Variants in DOCK2 observed in about 807,000 individuals in gnomAD.
DOCK2 encodes dedicator of cytokinesis protein 2.
Under a neutral mutation model 248.9 loss-of-function variants are expected in DOCK2, and 87 were observed. That is an observed-to-expected ratio of 0.35 (90% CI 0.29 to 0.42). The LOEUF (loss-of-function observed/expected upper bound fraction) is 0.42, where lower values mean the gene tolerates loss of function less well. Among genes scored for constraint, DOCK2 ranks in the 10% least tolerant of loss-of-function variants. DOCK2 has a pLI of 1.00. For synonymous variants in DOCK2, 805 were observed against 821.6 expected, an observed-to-expected ratio of 0.98 and a Z score of 0.35; for missense variants, 1,747 against 2,300.2, an observed-to-expected ratio of 0.76 and a Z score of 4.92.
intron 19 of DOCK2, among the ~76,000 whole-genome samples, chr5:169,715,405 C>T (rs1448999315): frequency 6.6e-6 from 1 of 152,036 alleles, no homozygotes; most frequent in East Asian, 1.9e-4. Context: ...ATTTAATTGC[C>T]TCTACCTGGA....
intron 8 of DOCK2, among the ~76,000 whole-genome samples, chr5:169,684,648 A>G (rs1411411759): frequency 6.6e-6 from 1 of 152,152 alleles, no homozygotes; most frequent in East Asian, 1.9e-4. Context: ...GAATAAAAAT[A>G]TGTACTTCTT....
chr5:169,830,205 C>T (rs2113285577), intron 26 of DOCK2, among the ~76,000 whole-genome samples: 1 of 152,280 alleles, frequency 6.6e-6, no homozygotes, highest in East Asian at 1.9e-4. Flanking sequence ...TCATTTGTAA[C>T]ATGGGAAGAA....
intron 44 of DOCK2, among the ~76,000 whole-genome samples, chr5:170,062,023 T>G (rs10060672): frequency 0.24 from 37,054 of 151,890 alleles, 5,122 homozygotes; most frequent in African/African-American, 0.37. Flanking sequence ...GCATGTGCAG[T>G]TGTAGGGTGT....
At chr5:169,879,949 A>C (rs756262813) in intron 27 of DOCK2, among the ~76,000 whole-genome samples, 10 of 152,214 alleles carry the variant, frequency 6.6e-5, no homozygotes, top group Non-Finnish European at 1.5e-4. Flanking sequence ...CCAAAATTTA[A>C]ATGGAGGTTA....
At chr5:169,881,630 C>T (rs768638541) in intron 27 of DOCK2, among the ~76,000 whole-genome samples, 3 of 152,098 alleles carry the variant, frequency 2.0e-5, no homozygotes, top group Non-Finnish European at 4.4e-5. Context: ...AGGCTTTATA[C>T]GTGTTAAAGA....
intron 23 of DOCK2, among the ~76,000 whole-genome samples, chr5:169,753,348 C>T (rs754236367): frequency 1.5e-4 from 23 of 151,652 alleles, no homozygotes; most frequent in Non-Finnish European, 2.8e-4. Flanking sequence ...GATGTTCTCC[C>T]TGCCCTCACC....
intron 15 of DOCK2, 43 bp from the exon 16 acceptor site, chr5:169,711,892 C>A: frequency 6.2e-7 from 1 of 1,609,938 alleles, no homozygotes; most frequent in Non-Finnish European, 8.5e-7. Flanking sequence ...TGGGGAGGGC[C>A]CTTTAACTCA....
At chr5:170,046,322 T>C (rs1756707970) in intron 39 of DOCK2, among the ~76,000 whole-genome samples, 1 of 152,194 alleles carries the variant, frequency 6.6e-6, no homozygotes, top group Non-Finnish European at 1.5e-5. Flanking sequence ...CATTAGCATC[T>C]CCATGCTCAG....
chr5:170,031,028 G>A (rs148403056), intron 34 of DOCK2, among the ~76,000 whole-genome samples: 4 of 152,332 alleles, frequency 2.6e-5, no homozygotes, highest in African/African-American at 9.6e-5. Context: ...ACCTTACACA[G>A]CACTCCAGTT....
chr5:169,826,877 G>A (rs2113269978), intron 26 of DOCK2, among the ~76,000 whole-genome samples: 1 of 152,160 alleles, frequency 6.6e-6, no homozygotes, highest in South Asian at 2.1e-4. Flanking sequence ...TCAGCTCCCT[G>A]TAATAACACT....
chr5:169,907,134 G>A (rs1004042758), intron 27 of DOCK2, among the ~76,000 whole-genome samples: 1 of 152,138 alleles, frequency 6.6e-6, no homozygotes, highest in Non-Finnish European at 1.5e-5. Flanking sequence ...TATGGCCGGG[G>A]ATGCATCTGG....
rs371732213 is a variant in DOCK2 at position 170,050,864 on chromosome 5, T to C, written c.4213+467T>C. On this transcript the variant is annotated intron_variant, in intron 41 of 51. Coordinates refer to ENST00000520908, the MANE Select transcript of DOCK2 (RefSeq NM_004946.3). ...ACTCACTCACTAATTCATTCTTATA[T>C]TGAATACTCTCAAGCCCTGACTCTA... 4.9e-4 allele frequency among the ~76,000 whole-genome samples: 75 copies of C among 152,342 alleles called. 1 individual carries two copies. In the South Asian group the frequency reaches 0.011, roughly 22 times the overall value.
chr5:169,745,905 G>T (rs547115905), intron 22 of DOCK2, among the ~76,000 whole-genome samples: 1 of 152,168 alleles, frequency 6.6e-6, no homozygotes, highest in Admixed American at 6.5e-5. Context: ...CCGGGGTGGG[G>T]GTGAGTTAGC....
chr5:169,910,248 G>A (rs1405551481), intron 27 of DOCK2, among the ~76,000 whole-genome samples: 1 of 152,116 alleles, frequency 6.6e-6, no homozygotes, highest in South Asian at 2.1e-4. Context: ...GTTAGAAGTG[G>A]CCATCTGAGA....
At chr5:169,819,396 G>A (rs570892095) in intron 26 of DOCK2, among the ~76,000 whole-genome samples, 1 of 152,298 alleles carries the variant, frequency 6.6e-6, no homozygotes, top group Admixed American at 6.5e-5. Flanking sequence ...CAAAGCTAGG[G>A]GATTGCTTGA....
chr5:169,688,545 A>G (rs1306800434), intron 8 of DOCK2, among the ~76,000 whole-genome samples: 2 of 152,188 alleles, frequency 1.3e-5, no homozygotes, highest in Admixed American at 1.3e-4. Flanking sequence ...CCAGTTGAGC[A>G]TCTCTAATCC....
chr5:169,998,552 G>A (rs1214368649), intron 30 of DOCK2, among the ~76,000 whole-genome samples: 3 of 152,200 alleles, frequency 2.0e-5, no homozygotes, highest in Non-Finnish European at 4.4e-5. Flanking sequence ...ATCTTTTGCA[G>A]TCTTTACAGC....
chr5:169,994,142 T>A (rs2113796158), intron 29 of DOCK2, among the ~76,000 whole-genome samples: 1 of 152,332 alleles, frequency 6.6e-6, no homozygotes, highest in East Asian at 1.9e-4. Flanking sequence ...AAGCTTGAGA[T>A]GCCTAAAAGT....
chr5:169,982,739 A>G (rs1325801671), intron 27 of DOCK2, among the ~76,000 whole-genome samples: 1 of 152,224 alleles, frequency 6.6e-6, no homozygotes, highest in Non-Finnish European at 1.5e-5. Flanking sequence ...GTAGATTCAG[A>G]TGAATTATTG....
Sources: gnomAD v4.1 joint callset for allele counts (sites outside exome capture counted in the v4.1 genomes callset) on GRCh38, gnomAD v4.1.1 for gene constraint, MANE v1.5 for transcripts, NCBI Gene and HGNC (gene_info 2026-07-23, HGNC 2026-07-21) for gene names.